The following NUGGC variants were observed in gnomAD, a reference collection of about 807,000 sequenced individuals.
NUGGC encodes the protein nuclear GTPase, germinal center associated.
In NUGGC, 58 loss-of-function variants were observed where a neutral mutation model predicts 92.6. The observed-to-expected ratio is 0.63, with a 90% confidence interval of 0.51 to 0.78. The LOEUF is 0.78. Among genes scored for constraint, NUGGC ranks in the 30% least tolerant of loss-of-function variants. The pLI, the probability that NUGGC is intolerant of heterozygous loss-of-function variation, is 0.00. For missense variants in NUGGC, 925 were observed against 964.6 expected, an observed-to-expected ratio of 0.96 and a Z score of 0.54; for synonymous variants, 376 against 366.4, an observed-to-expected ratio of 1.03 and a Z score of -0.30.
chr8:28,038,473 C>T (rs1024703512), intron 13 of NUGGC, among the ~76,000 whole-genome samples: 2 of 152,154 alleles, frequency 1.3e-5, no homozygotes, highest in Non-Finnish European at 2.9e-5. Flanking sequence ...ACATAGGTAC[C>T]GTGGTCCTCA....
At chr8:28,052,305 T>A (rs573975055) in intron 10 of NUGGC, among the ~76,000 whole-genome samples, 1 of 152,196 alleles carries the variant, frequency 6.6e-6, no homozygotes, top group Non-Finnish European at 1.5e-5. Flanking sequence ...TGGTTGTCAC[T>A]GCCTGTGTGT....
intron 1 of NUGGC, among the ~76,000 whole-genome samples, chr8:28,076,914 A>T (rs1317505223): frequency 1.3e-5 from 2 of 152,246 alleles, no homozygotes; most frequent in African/African-American, 4.8e-5. Context: ...AACATTCTCA[A>T]CTAATCAGAG....
intron 11 of NUGGC, among the ~76,000 whole-genome samples, chr8:28,046,849 A>C (rs1809850589): frequency 6.6e-6 from 1 of 150,818 alleles, no homozygotes; most frequent in East Asian, 2.0e-4. Context: ...TGTATTTTTT[A>C]GTAGAAATGG....
At chr8:28,065,260 A>C (rs1810412698) in intron 6 of NUGGC, among the ~76,000 whole-genome samples, 1 of 140,898 alleles carries the variant, frequency 7.1e-6, no homozygotes, top group Non-Finnish European at 1.5e-5. Flanking sequence ...TCCCGGGTTC[A>C]CGCCATTCTC....
At chr8:28,065,152 CTTTTTT>C (rs5890398) in intron 6 of NUGGC, among the ~76,000 whole-genome samples, 2 of 79,884 alleles carry the variant, frequency 2.5e-5, no homozygotes, top group African/African-American at 1.0e-4. Context: ...GAAATTGGAT[CTTTTTT>C]TTTTTTTTTT....
chr8:28,080,682 C>A (rs74756193), intron 1 of NUGGC, among the ~76,000 whole-genome samples: 6,444 of 152,104 alleles, frequency 0.042, 178 homozygotes, highest in Non-Finnish European at 0.059. Context: ...AGATATATAT[C>A]TTAGATGGTA....
intron 9 of NUGGC, among the ~76,000 whole-genome samples, chr8:28,056,824 G>T (rs1810154002): frequency 6.6e-6 from 1 of 152,212 alleles, no homozygotes; most frequent in Non-Finnish European, 1.5e-5. Context: ...CAAACATTAA[G>T]ATGCAGTATT....
At chr8:28,065,013 T>C (rs1009562277) in intron 6 of NUGGC, among the ~76,000 whole-genome samples, 1 of 152,200 alleles carries the variant, frequency 6.6e-6, no homozygotes, top group Non-Finnish European at 1.5e-5. Flanking sequence ...AAGTTTATCT[T>C]CTAAACTGCA....
At chr8:28,079,176 A>G (rs1810790027) in intron 1 of NUGGC, among the ~76,000 whole-genome samples, 1 of 151,808 alleles carries the variant, frequency 6.6e-6, no homozygotes, top group South Asian at 2.1e-4. Context: ...TTTTTTTCTT[A>G]CAGGAAAATC....
In NUGGC at chr8:28,064,630, A is replaced by G. The variant is rs759070028; in HGVS notation, c.813T>C (p.His271=). The G allele has an allele frequency of 7.4e-6, 12 of 1,613,766 alleles. No individual in the cohort carries two copies. The South Asian group carries it at 1.1e-4, about 15-fold the overall frequency. The part of the protein sequence containing the change: ...AEMRIWPLIK[H]VEVTLPKSDL... ...CGGATTTGGGAAGTGTCACTTCCAC[A>G]TGTTTGATCAAGGGCCAGATGCGCA... Residue 271 remains histidine (H), a synonymous_variant, in exon 7 of 19, where the codon CAT becomes CAC. Coordinates refer to ENST00000413272, the MANE Select transcript of NUGGC (RefSeq NM_001010906.2).
rs571642909 is a variant in NUGGC at position 28,039,609 on chromosome 8, C to T, written c.1611+1442G>A. Among the ~76,000 whole-genome samples, 27 of 152,236 alleles carry T rather than the reference C, an allele frequency of 1.8e-4. 1 individual carries two copies. The highest frequency in any genetic ancestry group is 4.8e-4 in the African/African-American group (20 of 41,548). ...CAGAAGAGGCCAGGTGCTAGAAAGC[C>T]GGTATCATCGGTGCACATAGAAAAG... On this transcript the variant is annotated intron_variant, in intron 13 of 18. Transcript: ENST00000413272.
intron 7 of NUGGC, 117 bp downstream of exon 7, chr8:28,064,405 G>T: frequency 1.1e-6 from 1 of 877,394 alleles, no homozygotes; most frequent in Non-Finnish European, 1.8e-6. Context: ...GAAATTAAAA[G>T]AATTTAATTC....
chr8:28,025,145 A>G (rs1809224594), intron 18 of NUGGC, among the ~76,000 whole-genome samples: 1 of 152,214 alleles, frequency 6.6e-6, no homozygotes, highest in Non-Finnish European at 1.5e-5. Flanking sequence ...CAGCACCCAG[A>G]ACACTGCCTG....
intron 6 of NUGGC, among the ~76,000 whole-genome samples, 153 bp downstream of exon 6, chr8:28,067,361 G>A (rs768514165): frequency 1.3e-5 from 2 of 152,196 alleles, no homozygotes; most frequent in Admixed American, 6.5e-5. Context: ...TAAATAATGA[G>A]GATAACTTGG....
At chr8:28,073,002 G>T (rs1421790646) in intron 2 of NUGGC, among the ~76,000 whole-genome samples, 1 of 123,374 alleles carries the variant, frequency 8.1e-6, no homozygotes, top group East Asian at 2.8e-4. Context: ...GTTGACTGTT[G>T]AAATTTTTTT....
At chr8:28,039,846 T>C (rs983919956) in intron 13 of NUGGC, among the ~76,000 whole-genome samples, 2 of 152,200 alleles carry the variant, frequency 1.3e-5, no homozygotes, top group African/African-American at 2.4e-5. Context: ...GAGGTTCACA[T>C]GCGAAGCCCT....
chr8:28,069,638 A>G lies in NUGGC; in HGVS notation c.163T>C (p.Ser55Pro). The G allele has an allele frequency of 6.2e-7, 1 of 1,606,108 alleles. No homozygotes were observed. The highest frequency in any genetic ancestry group is 8.5e-7 in the Non-Finnish European group (1 of 1,172,772). Residue 55 changes from serine to proline, a missense_variant, in exon 4 of 19, where the codon TCA (serine) becomes CCA (proline). Physicochemically the swap from Ser to Pro is moderately conservative, Grantham distance 74. Coordinates refer to ENST00000413272, the MANE Select transcript of NUGGC (RefSeq NM_001010906.2). The part of the protein sequence containing the change: ...SALKEYEKLE[S>P]RTRRVLSNTY... ...TTGCTCAAAACCCTTCTGGTCCGTG[A>G]TTCCAATTTTTCATCTGGAATTAAC... is the stretch of plus-strand genomic sequence containing the variant.
chr8:28,064,514 A>G lies in NUGGC; in HGVS notation c.921+8T>C, dbSNP rs1554489228. The G allele has an allele frequency of 3.7e-6, 6 of 1,613,270 alleles. No homozygotes were observed. The South Asian group carries it at 5.5e-5, about 15-fold the overall frequency. ...GAAGAGAGAACTAAACCTACGAAAG[A>G]CAGTCACCTTTTTCCACATCTCGTC... On this transcript the variant is annotated splice_region_variant and intron_variant, in intron 7 of 18. Coordinates refer to ENST00000413272, the MANE Select transcript of NUGGC (RefSeq NM_001010906.2).
chr8:28,043,789 A>G (rs2130132152), intron 12 of NUGGC, among the ~76,000 whole-genome samples: 1 of 152,282 alleles, frequency 6.6e-6, no homozygotes, highest in East Asian at 1.9e-4. Flanking sequence ...AGCACTTCCA[A>G]AAGCAATCTT....
Sources: gnomAD v4.1 joint callset for allele counts (sites outside exome capture counted in the v4.1 genomes callset) on GRCh38, gnomAD v4.1.1 for gene constraint, MANE v1.5 for transcripts, NCBI Gene and HGNC (gene_info 2026-07-23, HGNC 2026-07-21) for gene names.